The following DECR1 variants were observed in gnomAD, a reference collection of about 807,000 sequenced individuals.
DECR1 encodes the protein 2,4-dienoyl-CoA reductase [(3E)-enoyl-CoA-producing], mitochondrial.
DECR1 carries 44 observed loss-of-function variants against 38.8 expected under a neutral mutation model. That is an observed-to-expected ratio of 1.13 (90% CI 0.89 to 1.46). The LOEUF (loss-of-function observed/expected upper bound fraction) is 1.46. Ranked by LOEUF, DECR1 falls within the 40% of genes most tolerant of loss-of-function variation. The pLI is 0.00. For synonymous variants in DECR1, 148 were observed against 135.2 expected (o/e 1.09, Z -0.66); for missense variants, 428 against 405.5 (o/e 1.06, Z -0.48).
At chr8:90,006,664 G>T (rs1320873565) in intron 1 of DECR1, among the ~76,000 whole-genome samples, 1 of 152,178 alleles carries the variant, frequency 6.6e-6, no homozygotes, top group Admixed American at 6.5e-5. Flanking sequence ...ATTGGTTGGT[G>T]GTGAGGATGA....
At chr8:90,019,930 G>A (rs1023257804) in intron 4 of DECR1, among the ~76,000 whole-genome samples, 39 of 152,182 alleles carry the variant, frequency 2.6e-4, no homozygotes, top group African/African-American at 9.2e-4. Flanking sequence ...GAAATAACAA[G>A]AGCAGTTATC....
At chr8:90,029,935 A>G (rs1359389963) in intron 5 of DECR1, among the ~76,000 whole-genome samples, 3 of 152,078 alleles carry the variant, frequency 2.0e-5, no homozygotes, top group African/African-American at 7.2e-5. Flanking sequence ...AAGGATTACC[A>G]GTTCAGGGGC....
In DECR1 at chr8:90,052,215, A is replaced by C; in HGVS notation, c.*318A>C. The C allele has an allele frequency of 3.7e-6, 1 of 267,532 alleles. No individual in the cohort carries two copies. 16.6% of individuals were successfully genotyped at this position (267,532 alleles called of 1,614,324 possible). On this transcript the variant is annotated 3_prime_UTR_variant, in exon 10 of 10. Transcript: ENST00000220764. ...TTTGTGACTTGGAAAATCAGGAGAA[A>C]CTCAATGGTGGCGGTAGCATTTGAG...
At chr8:90,043,153 T>C (rs1219281271) in intron 7 of DECR1, among the ~76,000 whole-genome samples, 1 of 152,100 alleles carries the variant, frequency 6.6e-6, no homozygotes, top group Non-Finnish European at 1.5e-5. Context: ...TCTGACATCC[T>C]TTTTTAAAAA....
At chr8:90,038,708 CTGGTCCGTAGCTGGTGCTT>C (rs1813678338) in intron 6 of DECR1, among the ~76,000 whole-genome samples, 1 of 152,128 alleles carries the variant, frequency 6.6e-6, no homozygotes, top group Non-Finnish European at 1.5e-5. Flanking sequence ...CCAGAAGAGT[CTGGTCCGTAGCTGGTGCTT>C]CATGCTTGTT....
intron 5 of DECR1, among the ~76,000 whole-genome samples, chr8:90,021,541 G>A (rs1369021616): frequency 1.3e-5 from 2 of 152,182 alleles, no homozygotes; most frequent in South Asian, 2.1e-4. Flanking sequence ...GGAGTTTAAT[G>A]TTAATTCTGA....
chr8:90,019,261 C>T, intron 4 of DECR1, 89 bp downstream of exon 4: 1 of 1,122,630 alleles, frequency 8.9e-7, no homozygotes, highest in Non-Finnish European at 1.3e-6. Context: ...AATATTGATA[C>T]TGATGTAGGA....
At chr8:90,049,072 C>T (rs1396847797) in intron 8 of DECR1, among the ~76,000 whole-genome samples, 1 of 150,260 alleles carries the variant, frequency 6.7e-6, no homozygotes, top group African/African-American at 2.4e-5. Context: ...GACAAACCCA[C>T]AGCCAGGGGG....
At chr8:90,038,820 A>G (rs1813681659) in intron 6 of DECR1, among the ~76,000 whole-genome samples, 1 of 152,204 alleles carries the variant, frequency 6.6e-6, no homozygotes, top group African/African-American at 2.4e-5. Context: ...AGTTTGAGAT[A>G]GAAAGAAATA....
intron 5 of DECR1, among the ~76,000 whole-genome samples, chr8:90,025,047 C>T (rs201989152): frequency 2.6e-5 from 4 of 152,040 alleles, no homozygotes; most frequent in African/African-American, 9.7e-5. Flanking sequence ...TGTGGTATTA[C>T]TTCTGAGGGC....
chr8:90,048,499 C>A (rs1813973963), intron 8 of DECR1, among the ~76,000 whole-genome samples: 1 of 152,108 alleles, frequency 6.6e-6, no homozygotes, highest in African/African-American at 2.4e-5. Flanking sequence ...GAAGTTGAAT[C>A]CCTGAATACA....
intron 1 of DECR1, among the ~76,000 whole-genome samples, chr8:90,013,048 T>C (rs1812925351): frequency 6.6e-6 from 1 of 152,220 alleles, no homozygotes; most frequent in African/African-American, 2.4e-5. Context: ...ATTAATACGT[T>C]GGCACCATAT....
intron 5 of DECR1, among the ~76,000 whole-genome samples, chr8:90,030,898 C>T (rs1463152949): frequency 7.9e-5 from 12 of 152,018 alleles, no homozygotes; most frequent in Admixed American, 3.9e-4. Context: ...AGAGTCATCT[C>T]GTTTGATGGG....
intron 1 of DECR1, among the ~76,000 whole-genome samples, chr8:90,002,050 C>T (rs1812628336): frequency 6.6e-6 from 1 of 152,166 alleles, no homozygotes; most frequent in African/African-American, 2.4e-5. Flanking sequence ...ATTCCACTGT[C>T]AGATGAAGCC....
chr8:90,050,261 TGTTTACA>T (rs1208929202), intron 8 of DECR1, among the ~76,000 whole-genome samples: 1 of 152,018 alleles, frequency 6.6e-6, no homozygotes, highest in Non-Finnish European at 1.5e-5. Flanking sequence ...TGGGAGAAAA[TGTTTACA>T]ATCTACCCAT....
chr8:90,036,727 C>A (rs1813624983), intron 5 of DECR1, 114 bp from the exon 6 acceptor site: 1 of 618,448 alleles, frequency 1.6e-6, no homozygotes. Context: ...TTAAAAAATA[C>A]TTTAGTTTTT....
rs537478129 is a variant in DECR1, at chr8:90,038,750, G to C, written c.665+1810G>C. Among the ~76,000 whole-genome samples, 7 of 152,108 alleles carry C rather than the reference G, an allele frequency of 4.6e-5. No homozygotes were observed. The South Asian group carries it at 1.5e-3, about 32-fold the overall frequency. ...CTTCATGCTTGTTGAGCTGAATTAT[G>C]GTACTCTTCTTTTAGTAGTCCCAGA... On this transcript the variant is annotated intron_variant, in intron 6 of 9. Coordinates refer to ENST00000220764, the MANE Select transcript of DECR1 (RefSeq NM_001359.2).
At chr8:90,034,534 C>G (rs1813572596) in intron 5 of DECR1, among the ~76,000 whole-genome samples, 1 of 152,146 alleles carries the variant, frequency 6.6e-6, no homozygotes, top group African/African-American at 2.4e-5. Context: ...TCACTGCATC[C>G]TCTGCCTCCT....
chr8:90,044,840 A>T lies in DECR1; in HGVS notation c.739-9A>T. The T allele has an allele frequency of 6.2e-7, 1 of 1,600,532 alleles. No homozygotes were observed. The highest frequency in any genetic ancestry group is 1.1e-5 in the South Asian group (1 of 88,544). ...CCGACACAACCTAATTGTTTTCTTA[A>T]TTTCTAAGGGTGCCTTTAGCCGTCT... On this transcript the variant is annotated splice_polypyrimidine_tract_variant and intron_variant, in intron 7 of 9. Transcript: ENST00000220764.
Sources: allele counts gnomAD v4.1 joint callset (sites outside exome capture counted in the v4.1 genomes callset), GRCh38; gene constraint gnomAD v4.1.1; transcripts MANE v1.5; gene names NCBI Gene and HGNC (gene_info 2026-07-23, HGNC 2026-07-21).